Variants in NPY2R observed in about 807,000 individuals in gnomAD.
The protein encoded by NPY2R is neuropeptide Y receptor Y2.
NPY2R carries 17 observed loss-of-function variants against 22.3 expected under a neutral mutation model. The observed-to-expected ratio is 0.76, with a 90% confidence interval of 0.52 to 1.14. NPY2R has a LOEUF of 1.14. Among genes scored for constraint, NPY2R ranks in the 50% most tolerant of loss-of-function variants. The pLI is 0.00. For synonymous variants in NPY2R, 209 were observed against 183.4 expected (o/e 1.14, Z -1.13); for missense variants, 424 against 467.9 (o/e 0.91, Z 0.87).
At chr4:155,211,566 C>A (rs1729405688) in intron 1 of NPY2R, among the ~76,000 whole-genome samples, 1 of 152,198 alleles carries the variant, frequency 6.6e-6, no homozygotes, top group African/African-American at 2.4e-5. Context: ...TGTTGTCAAC[C>A]TGTGGGTGCA....
At chr4:155,182,439 T>G in the NPY2R span, among the ~76,000 whole-genome samples, 1,332 of 152,208 alleles carry the variant, frequency 8.8e-3, 19 homozygotes, top group Non-Finnish European at 0.011. Context: ...TTAGTGATAA[T>G]TCAGAAATTT....
the NPY2R span, among the ~76,000 whole-genome samples, chr4:155,196,238 C>T: frequency 6.6e-6 from 1 of 151,892 alleles, no homozygotes; most frequent in Admixed American, 6.6e-5. Flanking sequence ...TTTTTTTCCC[C>T]AATATGGGTT....
the NPY2R span, among the ~76,000 whole-genome samples, chr4:155,180,586 A>G: frequency 6.6e-6 from 1 of 152,098 alleles, no homozygotes; most frequent in African/African-American, 2.4e-5. Context: ...ATACAGTTTT[A>G]TCCTTCTGAC....
chr4:155,189,712 G>A, the NPY2R span, among the ~76,000 whole-genome samples: 1 of 151,762 alleles, frequency 6.6e-6, no homozygotes, highest in Non-Finnish European at 1.5e-5. Flanking sequence ...CTTATAAAAT[G>A]CCATACATAC....
the NPY2R span, among the ~76,000 whole-genome samples, chr4:155,179,924 T>C: frequency 3.3e-5 from 5 of 152,154 alleles, no homozygotes; most frequent in Non-Finnish European, 5.9e-5. Context: ...ATCATAGTAT[T>C]CATTTCAGTG....
At chr4:155,209,625 T>G (rs1729360408) in intron 1 of NPY2R, among the ~76,000 whole-genome samples, 1 of 152,214 alleles carries the variant, frequency 6.6e-6, no homozygotes, top group South Asian at 2.1e-4. Context: ...TTTTCAACTT[T>G]CTACTGATTA....
the NPY2R span, among the ~76,000 whole-genome samples, chr4:155,188,895 A>G: frequency 3.9e-5 from 6 of 152,252 alleles, no homozygotes; most frequent in South Asian, 1.2e-3. Flanking sequence ...AAACTCTGAG[A>G]TAATAAATGC....
At chr4:155,200,710 G>A in the NPY2R span, among the ~76,000 whole-genome samples, 7,025 of 152,186 alleles carry the variant, frequency 0.046, 521 homozygotes, top group African/African-American at 0.16. Context: ...GCAGGGACAT[G>A]GATGAAGCTG....
chr4:155,198,149 G>A, the NPY2R span, among the ~76,000 whole-genome samples: 80 of 151,934 alleles, frequency 5.3e-4, no homozygotes, highest in Non-Finnish European at 7.8e-4. Flanking sequence ...TATCTAACAG[G>A]TATTGATCAT....
chr4:155,200,888 C>A, the NPY2R span, among the ~76,000 whole-genome samples: 1 of 151,856 alleles, frequency 6.6e-6, no homozygotes. Context: ...AGCATTAAGA[C>A]AAACTGCTAA....
chr4:155,181,331 A>G, the NPY2R span, among the ~76,000 whole-genome samples: 1 of 152,222 alleles, frequency 6.6e-6, no homozygotes, highest in Non-Finnish European at 1.5e-5. Context: ...ACATTTCTGA[A>G]GCACAGAATT....
the NPY2R span, among the ~76,000 whole-genome samples, chr4:155,197,050 TG>T: frequency 6.6e-6 from 1 of 152,084 alleles, no homozygotes; most frequent in African/African-American, 2.4e-5. Context: ...AAGGTTCATT[TG>T]GGAAAATTCA....
chr4:155,200,064 A>G, the NPY2R span, among the ~76,000 whole-genome samples: 3 of 152,164 alleles, frequency 2.0e-5, no homozygotes, highest in African/African-American at 7.2e-5. Context: ...TGAACAGACA[A>G]CCTTATACAA....
chr4:155,196,930 G>A, the NPY2R span, among the ~76,000 whole-genome samples: 1 of 151,886 alleles, frequency 6.6e-6, no homozygotes, highest in Non-Finnish European at 1.5e-5. Flanking sequence ...TTTAAGAGAT[G>A]TCATGAATTA....
At chr4:155,194,918 A>T in the NPY2R span, among the ~76,000 whole-genome samples, 1 of 151,908 alleles carries the variant, frequency 6.6e-6, no homozygotes, top group Non-Finnish European at 1.5e-5. Flanking sequence ...ACTTTTTCAT[A>T]ATAGCCATTC....
chr4:155,198,521 A>G, the NPY2R span, among the ~76,000 whole-genome samples: 1 of 146,506 alleles, frequency 6.8e-6, no homozygotes, highest in African/African-American at 2.5e-5. Flanking sequence ...AATATATTTT[A>G]TAAATATATA....
chr4:155,199,858 G>C, the NPY2R span, among the ~76,000 whole-genome samples: 1 of 151,808 alleles, frequency 6.6e-6, no homozygotes, highest in African/African-American at 2.4e-5. Flanking sequence ...AAATTTACTT[G>C]AGATGGATTA....
At chr4:155,195,411 C>T in the NPY2R span, among the ~76,000 whole-genome samples, 1 of 151,824 alleles carries the variant, frequency 6.6e-6, no homozygotes. Context: ...CCTTAGTGTC[C>T]GGGGCAGAGT....
the NPY2R span, among the ~76,000 whole-genome samples, chr4:155,198,162 C>A: frequency 6.6e-6 from 1 of 152,088 alleles, no homozygotes; most frequent in Non-Finnish European, 1.5e-5. Flanking sequence ...TTGATCATGT[C>A]TGGGCTTTCC....
Sources: gnomAD v4.1 joint callset for allele counts (sites outside exome capture counted in the v4.1 genomes callset) on GRCh38, gnomAD v4.1.1 for gene constraint, MANE v1.5 for transcripts, NCBI Gene and HGNC (gene_info 2026-07-23, HGNC 2026-07-21) for gene names.